Variants in LRRC4C observed in about 807,000 individuals in gnomAD.
LRRC4C encodes the protein leucine-rich repeat-containing protein 4C.
Under a neutral mutation model 33.6 loss-of-function variants are expected in LRRC4C, and 5 were observed. The observed-to-expected ratio is 0.15, with a 90% confidence interval of 0.08 to 0.31. The LOEUF (loss-of-function observed/expected upper bound fraction) is 0.31. Ranked by LOEUF, LRRC4C falls within the 10% of genes least tolerant of loss-of-function variation. LRRC4C has a pLI of 1.00. For missense variants in LRRC4C, 560 were observed against 796.7 expected, an observed-to-expected ratio of 0.70 and a Z score of 3.58; for synonymous variants, 329 against 302.0, an observed-to-expected ratio of 1.09 and a Z score of -0.93.
intron 3 of LRRC4C, among the ~76,000 whole-genome samples, chr11:40,635,628 A>ATTTTTTTTTTTTTTTTT (rs71060975): frequency 1.1e-5 from 1 of 92,198 alleles, no homozygotes; most frequent in Non-Finnish European, 2.0e-5. Flanking sequence ...AAAGAACCAA[A>ATTTTTTTTTTTTTTTTT]TTTTTTTTTT....
rs35682867 is a variant in LRRC4C at position 41,351,252 on chromosome 11, TACAC to T, written c.-496+108175_-496+108178del. Among the ~76,000 whole-genome samples, 42 of 149,312 alleles carry T rather than the reference TACAC, an allele frequency of 2.8e-4. 1 individual carries two copies. The highest frequency in any genetic ancestry group is 7.6e-4 in the African/African-American group (31 of 40,564). On this transcript the variant is annotated intron_variant, in intron 1 of 6. Coordinates refer to ENST00000528697, the MANE Select transcript of LRRC4C (RefSeq NM_001258419.2). ...ACACACACATACACACACACACACA[TACAC>T]ACACACACACACACATACATTTTCC...
intron 2 of LRRC4C, among the ~76,000 whole-genome samples, chr11:40,751,772 A>T (rs1268780506): frequency 1.3e-5 from 2 of 152,262 alleles, no homozygotes; most frequent in South Asian, 4.1e-4. Context: ...TATGCATGGA[A>T]CCAAAAAGGA....
At chr11:40,354,656 T>C (rs979389214) in intron 3 of LRRC4C, among the ~76,000 whole-genome samples, 1 of 152,178 alleles carries the variant, frequency 6.6e-6, no homozygotes, top group Admixed American at 6.5e-5. Flanking sequence ...CTACTGCCGA[T>C]GTCCATCCAA....
chr11:40,535,611 G>A (rs1055439850), intron 3 of LRRC4C, among the ~76,000 whole-genome samples: 1 of 152,184 alleles, frequency 6.6e-6, no homozygotes, highest in African/African-American at 2.4e-5. Flanking sequence ...TGTGTGTTTT[G>A]TTTTTAAACA....
At chr11:40,922,214 C>T (rs922802204) in intron 2 of LRRC4C, among the ~76,000 whole-genome samples, 12 of 152,030 alleles carry the variant, frequency 7.9e-5, no homozygotes, top group Non-Finnish European at 1.3e-4. Flanking sequence ...CTTACCACTC[C>T]GTACAAGTTT....
chr11:40,992,688 G>A (rs1326200413), intron 1 of LRRC4C, among the ~76,000 whole-genome samples: 2 of 152,108 alleles, frequency 1.3e-5, no homozygotes, highest in Non-Finnish European at 2.9e-5. Context: ...AAAAAGGAAA[G>A]CTAATTCCTC....
At chr11:40,373,728 C>T (rs779723338) in intron 3 of LRRC4C, among the ~76,000 whole-genome samples, 37 of 152,052 alleles carry the variant, frequency 2.4e-4, no homozygotes, top group Non-Finnish European at 3.7e-4. Context: ...TTAGGTCATG[C>T]GAGAGCTGGT....
chr11:40,640,394 ATGAACTAT>A (rs1341434562), intron 3 of LRRC4C, among the ~76,000 whole-genome samples: 1 of 152,070 alleles, frequency 6.6e-6, no homozygotes, highest in Non-Finnish European at 1.5e-5. Context: ...GTCTTTTCTC[ATGAACTAT>A]TGCCTTTATC....
chr11:40,689,647 A>T (rs1013684720), intron 2 of LRRC4C, among the ~76,000 whole-genome samples: 1 of 152,130 alleles, frequency 6.6e-6, no homozygotes, highest in Non-Finnish European at 1.5e-5. Flanking sequence ...TTAAGAACAA[A>T]CTGAAAATTT....
At chr11:40,718,199 T>C (rs1466727493) in intron 2 of LRRC4C, among the ~76,000 whole-genome samples, 1 of 152,194 alleles carries the variant, frequency 6.6e-6, no homozygotes, top group African/African-American at 2.4e-5. Flanking sequence ...TCATGAGTGA[T>C]TTTGTTCACC....
intron 2 of LRRC4C, among the ~76,000 whole-genome samples, chr11:40,653,968 T>G (rs1942957649): frequency 6.6e-6 from 1 of 152,218 alleles, no homozygotes; most frequent in South Asian, 2.1e-4. Context: ...AGGCCATTGC[T>G]TCAAAGGATG....
chr11:41,239,971 A>G (rs988288939), intron 1 of LRRC4C, among the ~76,000 whole-genome samples: 8 of 152,188 alleles, frequency 5.3e-5, no homozygotes, highest in Non-Finnish European at 1.5e-5. Context: ...GCCTCACATA[A>G]TTTTACCCAT....
chr11:40,834,645 C>T (rs139088912), intron 2 of LRRC4C, among the ~76,000 whole-genome samples: 8 of 152,100 alleles, frequency 5.3e-5, no homozygotes, highest in African/African-American at 1.9e-4. Context: ...TGTCTTTCAT[C>T]CCATACACCA....
At chr11:40,357,925 C>T (rs1450748589) in intron 3 of LRRC4C, among the ~76,000 whole-genome samples, 1 of 152,132 alleles carries the variant, frequency 6.6e-6, no homozygotes, top group Admixed American at 6.5e-5. Context: ...TGGCTCACAC[C>T]TATAATCCCA....
At chr11:40,417,874 GC>G (rs1950384925) in intron 3 of LRRC4C, among the ~76,000 whole-genome samples, 1 of 152,168 alleles carries the variant, frequency 6.6e-6, no homozygotes, top group African/African-American at 2.4e-5. Flanking sequence ...AATGGTAAAA[GC>G]CAAATCTAAT....
intron 4 of LRRC4C, among the ~76,000 whole-genome samples, chr11:40,302,967 A>C (rs1944849479): frequency 6.6e-6 from 1 of 152,218 alleles, no homozygotes; most frequent in Non-Finnish European, 1.5e-5. Flanking sequence ...GTGGCAGGGA[A>C]GAAGATAAAA....
chr11:41,435,505 G>T (rs1223681874), intron 1 of LRRC4C, among the ~76,000 whole-genome samples: 1 of 152,088 alleles, frequency 6.6e-6, no homozygotes, highest in Non-Finnish European at 1.5e-5. Flanking sequence ...TTTAATAATG[G>T]TTAACATTTA....
rs142802835 is a variant in LRRC4C at position 41,433,371 on chromosome 11, TG to T, written c.-496+26059del. 8.5e-3 allele frequency among the ~76,000 whole-genome samples: 1,296 copies of T among 152,296 alleles called. 22 individuals carry two copies. Among genetic ancestry groups the T allele is most frequent in the African/African-American group, 0.03 (1,231 of 41,576 alleles). On this transcript the variant is annotated intron_variant, in intron 1 of 6. Transcript: ENST00000528697. Reference sequence around the variant, plus strand: ...ATGTTTAAATCAAAACCAGTGATCCTGAAAGAAGAAATCTAACATGAATTCC... The same window carrying T: ...ATGTTTAAATCAAAACCAGTGATCCTAAAGAAGAAATCTAACATGAATTCC...
rs575916704 is a variant in LRRC4C, at chr11:40,493,431, A to C, written c.-270+154711T>G. On this transcript the variant is annotated intron_variant, in intron 3 of 6. Coordinates refer to ENST00000528697, the MANE Select transcript of LRRC4C (RefSeq NM_001258419.2). The stretch of plus-strand genomic sequence containing the variant: ...CCAAGAAAGTCCTAACACAACAATC[A>C]TACTGTGTATTGGTCATTAGAACAC... 2.6e-5 allele frequency among the ~76,000 whole-genome samples: 4 copies of C among 152,236 alleles called. No homozygotes were observed. The South Asian group carries it at 8.3e-4, about 32-fold the overall frequency.
Sources: allele counts gnomAD v4.1 joint callset (sites outside exome capture counted in the v4.1 genomes callset), GRCh38; gene constraint gnomAD v4.1.1; transcripts MANE v1.5; gene names NCBI Gene and HGNC (gene_info 2026-07-23, HGNC 2026-07-21).